Variants in DEFB104A observed in about 807,000 individuals in gnomAD.
DEFB104A encodes defensin beta 104A, also known as beta-defensin 104.
At position 7,836,644 on chromosome 8, in the gene DEFB104A, A is replaced by G. The variant is rs1817655849; in HGVS notation, c.58+102A>G. ...AAAATAAATCCTGAAGGATGGAGTA[A>G]CCTTCTTCAATCTCAGCCTTTTTTC... On this transcript the variant is annotated intron_variant, in intron 1 of 1. Coordinates refer to ENST00000314265, the MANE Select transcript of DEFB104A (RefSeq NM_080389.3). The G allele has an allele frequency of 8.3e-6, 6 of 719,082 alleles. No homozygotes were observed. In the South Asian group the frequency reaches 1.2e-4, roughly 14 times the overall value. 44.5% of individuals were successfully genotyped at this position (719,082 alleles called of 1,614,324 possible). A position where few individuals can be genotyped will look rare whatever the true frequency, so the allele number is the denominator to read the frequency against.
At chr8:7,840,366 G>GCA (rs1817738813) in intron 1 of DEFB104A, among the ~76,000 whole-genome samples, 1 of 57,116 alleles carries the variant, frequency 1.8e-5, no homozygotes, top group Non-Finnish European at 3.7e-5. Flanking sequence ...CTCTATATAT[G>GCA]TGTATATATA....
intron 1 of DEFB104A, among the ~76,000 whole-genome samples, chr8:7,839,490 C>T (rs1817717535): frequency 8.4e-6 from 1 of 118,378 alleles, no homozygotes. Context: ...AGTCTTTCCT[C>T]ATCACCCGCT....
At chr8:7,837,958 AG>A (rs1817680982) in intron 1 of DEFB104A, among the ~76,000 whole-genome samples, 1 of 111,416 alleles carries the variant, frequency 9.0e-6, no homozygotes, top group Non-Finnish European at 1.8e-5. Flanking sequence ...TAAAATTCTA[AG>A]CCCCCTCCCC....
At chr8:7,839,476 A>G (rs1817717212) in intron 1 of DEFB104A, among the ~76,000 whole-genome samples, 1 of 132,088 alleles carries the variant, frequency 7.6e-6, no homozygotes, top group African/African-American at 2.6e-5. Flanking sequence ...GCCTACAGCA[A>G]AACAGTCTTT....
intron 1 of DEFB104A, among the ~76,000 whole-genome samples, chr8:7,837,611 T>G (rs1448190457): frequency 7.0e-6 from 1 of 142,212 alleles, no homozygotes; most frequent in Non-Finnish European, 1.5e-5. Flanking sequence ...AAAGAACAGG[T>G]TTTCTTCAAC....
intron 1 of DEFB104A, among the ~76,000 whole-genome samples, chr8:7,838,655 A>G (rs1269418234): frequency 3.8e-4 from 55 of 145,700 alleles, no homozygotes; most frequent in African/African-American, 1.3e-3. Context: ...ACTCTACCCT[A>G]GGCGACAGAG....
At position 7,836,531 on chromosome 8, in the gene DEFB104A, A is replaced by T. The variant is rs1817653966; in HGVS notation, c.47A>T (p.Gln16Leu). 1 of 1,512,078 alleles carries T rather than the reference A, an allele frequency of 6.6e-7. No individual in the cohort carries two copies. Among genetic ancestry groups the T allele is most frequent in the African/African-American group, 1.5e-5 (1 of 67,938 alleles). 93.7% of individuals were successfully genotyped at this position (1,512,078 alleles called of 1,614,324 possible). ...LLLAISLLLY[Q>L]DLPVRSEFEL... ...TTAGCCATTTCTCTTCTACTCTATCAAGATCTTCCAGGTAAAAAGGGACTC... is the reference window on the plus strand; with the variant it reads ...TTAGCCATTTCTCTTCTACTCTATCTAGATCTTCCAGGTAAAAAGGGACTC... Residue 16 changes from glutamine (Q) to leucine (L), a missense_variant, in exon 1 of 2, where the codon CAA becomes CTA. Transcript: ENST00000314265.
rs145681154 is a variant in DEFB104A, at chr8:7,838,732, C to T, written c.58+2190C>T. On this transcript the variant is annotated intron_variant, in intron 1 of 1. Transcript: ENST00000314265. Reference sequence around the variant, plus strand: ...AAAAAACAAAGCAAATCTTACACGTCTTGATTGATGTATTATGTCTCCCTA... The same window carrying T: ...AAAAAACAAAGCAAATCTTACACGTTTTGATTGATGTATTATGTCTCCCTA... 3.0e-3 allele frequency among the ~76,000 whole-genome samples: 414 copies of T among 137,990 alleles called. 18 individuals are homozygous for T. The highest frequency in any genetic ancestry group is 5.8e-3 in the Non-Finnish European group (359 of 61,414). The allele number at this position is 137,990 out of a possible 152,430, so 90.5% of individuals were successfully genotyped here. A position where few individuals can be genotyped will look rare whatever the true frequency, so the allele number is the denominator to read the frequency against.
At chr8:7,837,959 GC>G (rs1368832420) in intron 1 of DEFB104A, among the ~76,000 whole-genome samples, 1 of 111,202 alleles carries the variant, frequency 9.0e-6, no homozygotes, top group Non-Finnish European at 1.8e-5. Flanking sequence ...AAAATTCTAA[GC>G]CCCCTCCCCA....
In DEFB104A at chr8:7,836,804, C is replaced by A. The variant is rs1397749852; in HGVS notation, c.58+262C>A. Among the ~76,000 whole-genome samples, 27 of 143,544 alleles carry A rather than the reference C, an allele frequency of 1.9e-4. 1 individual carries two copies. Among genetic ancestry groups the A allele is most frequent in the African/African-American group, 6.8e-4 (26 of 38,046 alleles). The allele number at this position is 143,544 out of a possible 152,430, so 94.2% of individuals were successfully genotyped here. On this transcript the variant is annotated intron_variant, in intron 1 of 1. Coordinates refer to ENST00000314265, the MANE Select transcript of DEFB104A (RefSeq NM_080389.3). ...TCAGGAGTCCTAGATGTCCTTGGCA[C>A]CCTGGCCACACACGGTAACAATTCC...
chr8:7,839,340 T>G (rs1262430976), intron 1 of DEFB104A, among the ~76,000 whole-genome samples: 2 of 145,652 alleles, frequency 1.4e-5, no homozygotes, highest in Non-Finnish European at 3.1e-5. Flanking sequence ...GCCACAGATA[T>G]GTCAGAAGGC....
chr8:7,837,214 G>A (rs1157194380), intron 1 of DEFB104A, among the ~76,000 whole-genome samples: 1 of 138,958 alleles, frequency 7.2e-6, no homozygotes, highest in Non-Finnish European at 1.6e-5. Flanking sequence ...ATATGAGAGA[G>A]CACCTAATCT....
At chr8:7,839,674 G>C (rs1161663685) in intron 1 of DEFB104A, among the ~76,000 whole-genome samples, 249 of 112,192 alleles carry the variant, frequency 2.2e-3, no homozygotes, top group African/African-American at 7.0e-3. Context: ...CTGGTGCGAG[G>C]ATTAGCAGCC....
At chr8:7,838,880 G>C (rs1412249153) in intron 1 of DEFB104A, among the ~76,000 whole-genome samples, 10 of 140,752 alleles carry the variant, frequency 7.1e-5, no homozygotes, top group Non-Finnish European at 1.1e-4. Context: ...CATTAACTAA[G>C]ACCTGAGACC....
At chr8:7,837,352 T>A (rs1262169156) in intron 1 of DEFB104A, among the ~76,000 whole-genome samples, 1 of 139,986 alleles carries the variant, frequency 7.1e-6, no homozygotes, top group African/African-American at 2.7e-5. Flanking sequence ...GTAGAAGCCA[T>A]CGGATCTTCT....
intron 1 of DEFB104A, among the ~76,000 whole-genome samples, chr8:7,836,837 A>G (rs1585697037): frequency 7.1e-6 from 1 of 141,822 alleles, no homozygotes; most frequent in Non-Finnish European, 1.5e-5. Flanking sequence ...TCCTCATGGA[A>G]TCCTCAGCAA....
chr8:7,837,432 G>A (rs907489520), intron 1 of DEFB104A, among the ~76,000 whole-genome samples: 2 of 142,786 alleles, frequency 1.4e-5, no homozygotes, highest in Admixed American at 1.4e-4. Flanking sequence ...TGCCCTTCCG[G>A]GCTGTGCCTC....
At chr8:7,837,521 G>A (rs1443551523) in intron 1 of DEFB104A, among the ~76,000 whole-genome samples, 5 of 140,638 alleles carry the variant, frequency 3.6e-5, no homozygotes, top group South Asian at 2.5e-4. Flanking sequence ...CTTTCTTCCC[G>A]TGTCATTTCC....
chr8:7,839,506 G>C (rs1246284753), intron 1 of DEFB104A, among the ~76,000 whole-genome samples: 1 of 79,256 alleles, frequency 1.3e-5, no homozygotes, highest in Non-Finnish European at 3.3e-5. Context: ...CCGCTGTGGG[G>C]CCATTGCAAA....
Sources: allele counts gnomAD v4.1 joint callset (sites outside exome capture counted in the v4.1 genomes callset), GRCh38; gene constraint gnomAD v4.1.1; transcripts MANE v1.5; gene names NCBI Gene and HGNC (gene_info 2026-07-23, HGNC 2026-07-21).